Variants in PTPRN2 observed in about 807,000 individuals in gnomAD.
PTPRN2 encodes receptor-type tyrosine-protein phosphatase N2.
In PTPRN2, 74 loss-of-function variants were observed where a neutral mutation model predicts 118.8. The ratio of observed to expected loss-of-function variants is 0.62; its 90% CI spans 0.52 to 0.76. PTPRN2 has a LOEUF of 0.76. PTPRN2 is among the 30% of genes least tolerant of loss of function. PTPRN2 has a pLI of 0.00. For missense variants in PTPRN2, 1,481 were observed against 1,394.4 expected, an observed-to-expected ratio of 1.06 and a Z score of -0.99; for synonymous variants, 641 against 608.0, an observed-to-expected ratio of 1.05 and a Z score of -0.80.
intron 2 of PTPRN2, among the ~76,000 whole-genome samples, chr7:158,447,638 C>T (rs942586879): frequency 2.6e-5 from 4 of 152,262 alleles, no homozygotes; most frequent in South Asian, 4.1e-4. Context: ...CACGGGTACC[C>T]GGCCTGCCTT....
rs540327979 is a variant in PTPRN2 at position 157,667,950 on chromosome 7, A to C, written c.2002-11399T>G. On this transcript the variant is annotated intron_variant, in intron 13 of 22. Transcript: ENST00000389418. Reference sequence around the variant, plus strand: ...CCAGCACCCTGCCCTGGGCAGAGTCACGTGGGACCATCCCCGCAGGACAGT... The same window carrying C: ...CCAGCACCCTGCCCTGGGCAGAGTCCCGTGGGACCATCCCCGCAGGACAGT... Among the ~76,000 whole-genome samples, 8 of 152,356 alleles carry C rather than the reference A, an allele frequency of 5.3e-5. No individual in the cohort carries two copies. The South Asian group carries it at 1.4e-3, about 28-fold the overall frequency.
intron 2 of PTPRN2, among the ~76,000 whole-genome samples, chr7:158,450,413 TA>T (rs1000360223): frequency 2.2e-4 from 33 of 152,340 alleles, no homozygotes; most frequent in African/African-American, 7.5e-4. Context: ...TTGCTTTTTT[TA>T]ACCTCATAGA....
At chr7:158,387,804 C>T (rs1315978682) in intron 2 of PTPRN2, among the ~76,000 whole-genome samples, 1 of 152,098 alleles carries the variant, frequency 6.6e-6, no homozygotes, top group African/African-American at 2.4e-5. Flanking sequence ...GTCTCCAAGC[C>T]GCTGCCCTGT....
intron 22 of PTPRN2, among the ~76,000 whole-genome samples, chr7:157,542,037 A>G (rs1798038186): frequency 6.6e-6 from 1 of 152,060 alleles, no homozygotes; most frequent in Non-Finnish European, 1.5e-5. Context: ...GGACCCGGGG[A>G]GATGTGTCTG....
chr7:157,835,758 C>T (rs889540030), intron 12 of PTPRN2, among the ~76,000 whole-genome samples: 5 of 152,212 alleles, frequency 3.3e-5, no homozygotes, highest in African/African-American at 9.7e-5. Context: ...TCCCTCACTT[C>T]ACACACATTA....
intron 14 of PTPRN2, among the ~76,000 whole-genome samples, chr7:157,655,943 A>C (rs1806049621): frequency 6.6e-6 from 1 of 151,830 alleles, no homozygotes; most frequent in Non-Finnish European, 1.5e-5. Flanking sequence ...CTGTCACAGC[A>C]GTGACATTTA....
intron 9 of PTPRN2, among the ~76,000 whole-genome samples, chr7:158,115,599 C>T (rs1816668415): frequency 6.6e-6 from 1 of 151,978 alleles, no homozygotes; most frequent in Non-Finnish European, 1.5e-5. Context: ...ACAAGAGGCT[C>T]TGTAGATCTT....
intron 12 of PTPRN2, among the ~76,000 whole-genome samples, chr7:157,728,441 G>A (rs775192896): frequency 1.3e-4 from 20 of 152,324 alleles, no homozygotes; most frequent in Admixed American, 3.9e-4. Flanking sequence ...GGGGTTTCAC[G>A]GGGGCGAGGG....
chr7:158,497,323 G>C (rs1034314113), intron 1 of PTPRN2, among the ~76,000 whole-genome samples: 1 of 148,142 alleles, frequency 6.8e-6, no homozygotes, highest in African/African-American at 2.5e-5. Flanking sequence ...CCCACTGCAC[G>C]TAGGGGTGGG....
intron 6 of PTPRN2, 88 bp from the exon 7 acceptor site, chr7:158,138,603 C>A: frequency 7.7e-7 from 1 of 1,299,100 alleles, no homozygotes; most frequent in Non-Finnish European, 1.1e-6. Flanking sequence ...TGGTGGGCGT[C>A]TGCGGCGTCC....
intron 12 of PTPRN2, among the ~76,000 whole-genome samples, chr7:157,850,933 C>A (rs1025385370): frequency 1.3e-5 from 2 of 152,202 alleles, no homozygotes; most frequent in Admixed American, 6.5e-5. Context: ...TCAGATCTTC[C>A]CTATTCTTGG....
At chr7:158,403,809 T>C (rs1813133520) in intron 2 of PTPRN2, among the ~76,000 whole-genome samples, 1 of 152,142 alleles carries the variant, frequency 6.6e-6, no homozygotes. Flanking sequence ...ATTCTGATGC[T>C]GGGATGATGC....
At chr7:158,474,959 G>C (rs1339618182) in intron 2 of PTPRN2, among the ~76,000 whole-genome samples, 1 of 152,218 alleles carries the variant, frequency 6.6e-6, no homozygotes, top group Non-Finnish European at 1.5e-5. Flanking sequence ...ACTGGCATTT[G>C]CGCCTCCTGG....
At chr7:158,197,951 G>A (rs1444899603) in intron 4 of PTPRN2, among the ~76,000 whole-genome samples, 1 of 152,184 alleles carries the variant, frequency 6.6e-6, no homozygotes, top group Non-Finnish European at 1.5e-5. Context: ...AAGTTACACT[G>A]ATACAGATGT....
chr7:158,522,947 G>T (rs1344643127), intron 1 of PTPRN2, among the ~76,000 whole-genome samples: 6 of 152,192 alleles, frequency 3.9e-5, no homozygotes, highest in African/African-American at 1.4e-4. Flanking sequence ...AACTTGCTGG[G>T]ACTGAGATGA....
chr7:158,459,679 C>T (rs928682702), intron 2 of PTPRN2, among the ~76,000 whole-genome samples: 2 of 152,242 alleles, frequency 1.3e-5, no homozygotes, highest in Non-Finnish European at 2.9e-5. Context: ...CTGCCCACAT[C>T]ATGGTGCTGG....
At chr7:158,263,987 C>T (rs1238545758) in intron 3 of PTPRN2, among the ~76,000 whole-genome samples, 1 of 152,178 alleles carries the variant, frequency 6.6e-6, no homozygotes, top group Admixed American at 6.5e-5. Context: ...CCACTGGGCT[C>T]CCTAAATTCA....
chr7:158,519,117 A>T (rs1348585284), intron 1 of PTPRN2, among the ~76,000 whole-genome samples: 7 of 152,204 alleles, frequency 4.6e-5, no homozygotes, highest in African/African-American at 1.4e-4. Flanking sequence ...ACAGCCGTGC[A>T]GCATCTCAGG....
At chr7:157,873,499 C>T (rs1322004116) in intron 12 of PTPRN2, among the ~76,000 whole-genome samples, 1 of 151,868 alleles carries the variant, frequency 6.6e-6, no homozygotes. Context: ...AGGTCCGTCT[C>T]GCCGTGGGGG....
Sources: gnomAD v4.1 joint callset for allele counts (sites outside exome capture counted in the v4.1 genomes callset) on GRCh38, gnomAD v4.1.1 for gene constraint, MANE v1.5 for transcripts, NCBI Gene and HGNC (gene_info 2026-07-23, HGNC 2026-07-21) for gene names.